The following RPTOR variants were observed in gnomAD, a reference collection of about 807,000 sequenced individuals.
The protein encoded by RPTOR is regulatory-associated protein of mTOR.
Under a neutral mutation model 169.9 loss-of-function variants are expected in RPTOR, and 21 were observed. The ratio of observed to expected loss-of-function variants is 0.12; its 90% confidence interval spans 0.09 to 0.18. RPTOR has a LOEUF of 0.18. Among genes scored for constraint, RPTOR ranks in the 10% least tolerant of loss-of-function variants. The pLI is 1.00. For missense variants in RPTOR, 1,133 were observed against 1,855.9 expected (o/e 0.61, Z 7.16); for synonymous variants, 732 against 753.2 (o/e 0.97, Z 0.46).
intron 1 of RPTOR, among the ~76,000 whole-genome samples, chr17:80,566,011 G>A (rs904108570): frequency 2.0e-5 from 3 of 152,228 alleles, no homozygotes; most frequent in Non-Finnish European, 2.9e-5. Context: ...AGACAACTTT[G>A]ATGGACTTGA....
chr17:80,897,976 C>T lies in RPTOR; in HGVS notation c.2401+4111C>T, dbSNP rs1515021. ...GTCCAAAAAAACTGGCTCAGGAGTGCGCCGTCATTCCCTGTCCTCGGGGGC... is the reference window on the plus strand; with the variant it reads ...GTCCAAAAAAACTGGCTCAGGAGTGTGCCGTCATTCCCTGTCCTCGGGGGC... On this transcript the variant is annotated intron_variant, in intron 20 of 33. Transcript: ENST00000306801. Among the ~76,000 whole-genome samples the T allele has an allele frequency of 5.6e-3, 850 of 152,218 alleles. 17 individuals are homozygous for T. Among genetic ancestry groups the T allele is most frequent in the African/African-American group, 0.02 (816 of 41,536 alleles).
intron 1 of RPTOR, among the ~76,000 whole-genome samples, chr17:80,557,260 G>A (rs2084421236): frequency 6.6e-6 from 1 of 151,960 alleles, no homozygotes; most frequent in Non-Finnish European, 1.5e-5. Flanking sequence ...TTATTCAAAT[G>A]ACTTTAAAAA....
rs1567868379 is a variant in RPTOR at position 80,708,623 on chromosome 17, G to A, written c.507+624G>A. 7.4e-6 allele frequency among the ~76,000 whole-genome samples: 1 copy of A among 135,712 alleles called. No individual in the cohort carries two copies. Among genetic ancestry groups the A allele is most frequent in the East Asian group, 2.0e-4 (1 of 4,930 alleles). 89.0% of individuals were successfully genotyped at this position (135,712 alleles called of 152,430 possible). On this transcript the variant is annotated intron_variant, in intron 4 of 33. Transcript: ENST00000306801. The surrounding 1 kb of genome is among the most constrained non-coding windows in gnomAD (Gnocchi z 4.2). ...CTCCAGGGTGTGGTGGGTGCTGACT[G>A]TCTCCTCATCCTCCAGGGTGTGGTG...
At chr17:80,890,790 G>C (rs1456420365) in intron 17 of RPTOR, among the ~76,000 whole-genome samples, 1 of 152,166 alleles carries the variant, frequency 6.6e-6, no homozygotes, top group Non-Finnish European at 1.5e-5. Flanking sequence ...GGGCATGTAA[G>C]GCTGGGGTGG....
chr17:80,874,208 T>TTG (rs1442307618), intron 13 of RPTOR, among the ~76,000 whole-genome samples: 1 of 151,576 alleles, frequency 6.6e-6, no homozygotes, highest in Non-Finnish European at 1.5e-5. Flanking sequence ...TAAAGGGCTT[T>TTG]TTTTTTTTTT....
At chr17:80,642,430 C>A (rs966440237) in intron 2 of RPTOR, among the ~76,000 whole-genome samples, 16 of 152,266 alleles carry the variant, frequency 1.1e-4, no homozygotes, top group African/African-American at 2.4e-4. Flanking sequence ...CCGAGCCTGG[C>A]AACTTCTTAG....
At chr17:80,560,780 C>A (rs80040034) in intron 1 of RPTOR, among the ~76,000 whole-genome samples, 1 of 152,112 alleles carries the variant, frequency 6.6e-6, no homozygotes, top group Non-Finnish European at 1.5e-5. Flanking sequence ...GCTACGTGTT[C>A]GTTTTGTCTC....
intron 13 of RPTOR, among the ~76,000 whole-genome samples, chr17:80,862,818 G>A (rs1015831818): frequency 3.2e-4 from 49 of 152,140 alleles, no homozygotes; most frequent in Non-Finnish European, 1.0e-4. Context: ...GTGTACAGAC[G>A]GGTCCACCTG....
chr17:80,939,699 C>T (rs1171445028), intron 24 of RPTOR, among the ~76,000 whole-genome samples: 1 of 152,216 alleles, frequency 6.6e-6, no homozygotes, highest in Admixed American at 6.5e-5. Flanking sequence ...TCGTAAGCTC[C>T]CTCATCTTCC....
chr17:80,925,188 C>T (rs1567990357), intron 23 of RPTOR, among the ~76,000 whole-genome samples, 182 bp from the exon 24 acceptor site: 1 of 152,228 alleles, frequency 6.6e-6, no homozygotes, highest in Admixed American at 6.5e-5. Flanking sequence ...CCTGGCCAGA[C>T]GTTCAGGGGT....
intron 7 of RPTOR, among the ~76,000 whole-genome samples, chr17:80,819,260 T>C (rs1035137901): frequency 5.3e-5 from 8 of 152,176 alleles, no homozygotes; most frequent in Non-Finnish European, 4.4e-5. Context: ...TTGCAGTAAA[T>C]GTTGATGTAT....
In RPTOR at chr17:80,927,361, G is replaced by A. The variant is rs1021528382; in HGVS notation, c.2919+1881G>A. 5.9e-5 allele frequency among the ~76,000 whole-genome samples: 9 copies of A among 152,332 alleles called. No homozygotes were observed. The South Asian group carries it at 1.7e-3, about 28-fold the overall frequency. On this transcript the variant is annotated intron_variant, in intron 24 of 33. Coordinates refer to ENST00000306801, the MANE Select transcript of RPTOR (RefSeq NM_020761.3). ...TGCTGGGATGGCAGTGGCTGTACAT[G>A]TTGGTAATTTCTTGGTGTGATAACG...
At chr17:80,785,835 C>T (rs762370871) in intron 6 of RPTOR, among the ~76,000 whole-genome samples, 2 of 152,076 alleles carry the variant, frequency 1.3e-5, no homozygotes, top group Non-Finnish European at 2.9e-5. Flanking sequence ...ATGCTGATGG[C>T]GAGACCTCCA....
At chr17:80,685,615 ATATATATATATATTTTTTTTTT>A (rs2065935036) in intron 3 of RPTOR, among the ~76,000 whole-genome samples, 1 of 11,348 alleles carries the variant, frequency 8.8e-5, no homozygotes, top group Admixed American at 1.1e-3. Flanking sequence ...ATATATATAT[ATATATATATATATTTTTTTTTT>A]TTTTTTTTTT....
chr17:80,661,226 A>G (rs1476518000), intron 3 of RPTOR, among the ~76,000 whole-genome samples: 1 of 152,158 alleles, frequency 6.6e-6, no homozygotes, highest in Non-Finnish European at 1.5e-5. Flanking sequence ...GGAGATCTGA[A>G]GTGCCTTGCT....
intron 7 of RPTOR, among the ~76,000 whole-genome samples, chr17:80,796,442 G>T (rs2067102225): frequency 6.6e-6 from 1 of 152,182 alleles, no homozygotes; most frequent in African/African-American, 2.4e-5. Context: ...GAAAGGGAAG[G>T]GTAAGCAAGG....
Position 80,940,355 on chromosome 17 carries a change from C to T in RPTOR, c.2920-141C>T, listed in dbSNP as rs2069009249. ...CCGGAGGATGTGTTCTGCTTGTACG[C>T]AGATGCCACACCCTTTCGTATTGGG... On this transcript the variant is annotated intron_variant, in intron 24 of 33. Coordinates refer to ENST00000306801, the MANE Select transcript of RPTOR (RefSeq NM_020761.3). 4.8e-6 allele frequency: 3 copies of T among 628,882 alleles called. No individual in the cohort carries two copies. In the South Asian group the frequency reaches 5.8e-5, roughly 12 times the overall value. The allele number at this position is 628,882 out of a possible 1,614,324, so 39.0% of individuals were successfully genotyped here.
chr17:80,840,456 T>C (rs1598344446), intron 10 of RPTOR, among the ~76,000 whole-genome samples: 1 of 86,614 alleles, frequency 1.2e-5, no homozygotes, highest in African/African-American at 9.0e-5. Context: ...TCACTCTCTT[T>C]GCACCGCAGC....
chr17:80,590,138 C>T (rs1255899703), intron 1 of RPTOR, among the ~76,000 whole-genome samples: 1 of 152,288 alleles, frequency 6.6e-6, no homozygotes, highest in Admixed American at 6.5e-5. Context: ...TCAAGATGAT[C>T]ATATGCTTTT....
Sources: allele counts gnomAD v4.1 joint callset (sites outside exome capture counted in the v4.1 genomes callset), GRCh38; gene constraint gnomAD v4.1.1; non-coding constraint Gnocchi (gnomAD v3.1); transcripts MANE v1.5; gene names NCBI Gene and HGNC (gene_info 2026-07-23, HGNC 2026-07-21).